ITGA9: variants seen among roughly 807,000 people sequenced by gnomAD.
The protein encoded by ITGA9 is integrin subunit alpha 9.
A neutral mutation model predicts 127.8 loss-of-function variants in ITGA9; 56 were observed. The ratio of observed to expected loss-of-function variants is 0.44; its 90% CI spans 0.35 to 0.55. The LOEUF (loss-of-function observed/expected upper bound fraction) is 0.55, where lower values mean the gene tolerates loss of function less well. Ranked by LOEUF, ITGA9 falls within the 20% of genes least tolerant of loss-of-function variation. The pLI is 0.00. For synonymous variants in ITGA9, 508 were observed against 514.5 expected, an observed-to-expected ratio of 0.99 and a Z score of 0.17; for missense variants, 1,196 against 1,347.1, an observed-to-expected ratio of 0.89 and a Z score of 1.76.
At chr3:37,731,119 A>G (rs948191908) in intron 18 of ITGA9, among the ~76,000 whole-genome samples, 1 of 152,222 alleles carries the variant, frequency 6.6e-6, no homozygotes, top group Admixed American at 6.5e-5. Context: ...CAATAATTTT[A>G]TGTATTAAAA....
intron 4 of ITGA9, among the ~76,000 whole-genome samples, chr3:37,482,452 C>T (rs902097243): frequency 1.5e-4 from 23 of 152,322 alleles, no homozygotes; most frequent in Admixed American, 1.2e-3. Flanking sequence ...AGTTTGATAG[C>T]TCGTAGTTTC....
intron 11 of ITGA9, among the ~76,000 whole-genome samples, chr3:37,521,785 G>A (rs1026791554): frequency 1.3e-5 from 2 of 152,210 alleles, no homozygotes; most frequent in African/African-American, 2.4e-5. Context: ...GCTTCAAAAC[G>A]TGGCTTTTAA....
At chr3:37,634,237 C>T (rs1700255960) in intron 16 of ITGA9, among the ~76,000 whole-genome samples, 1 of 151,518 alleles carries the variant, frequency 6.6e-6, no homozygotes, top group African/African-American at 2.4e-5. Flanking sequence ...GTAGTAAGTC[C>T]TTACTTATCA....
chr3:37,773,100 A>G (rs1335903849), intron 23 of ITGA9, among the ~76,000 whole-genome samples: 2 of 152,082 alleles, frequency 1.3e-5, no homozygotes, highest in African/African-American at 4.8e-5. Flanking sequence ...AGCTCTTCAC[A>G]CCTGAAGCAC....
Position 37,452,317 on chromosome 3 carries a change from GC to G in ITGA9, c.-55del. 1 of 967,492 alleles carries G rather than the reference GC, an allele frequency of 1.0e-6. No individual in the cohort carries two copies. The highest frequency in any genetic ancestry group is 1.0e-4 in the East Asian group (1 of 9,680). 59.9% of individuals were successfully genotyped at this position (967,492 alleles called of 1,614,324 possible). ...TTCCTGGCCGTCGGCGGGCCCCGCG[GC>G]CCGCGCGCTCGGCGCCCTGCTCGCC... On this transcript the variant is annotated 5_prime_UTR_variant, in exon 1 of 28. Transcript: ENST00000264741. This position sits in a 1 kb window ranked among gnomAD's most constrained non-coding sequence, Gnocchi z 7.3.
intron 15 of ITGA9, among the ~76,000 whole-genome samples, chr3:37,569,278 A>G (rs1307539559): frequency 6.6e-6 from 1 of 152,204 alleles, no homozygotes; most frequent in Non-Finnish European, 1.5e-5. Flanking sequence ...TCATGAAGAC[A>G]GCACAGGAAA....
chr3:37,778,189 A>C (rs1696930585), intron 24 of ITGA9, among the ~76,000 whole-genome samples: 1 of 152,234 alleles, frequency 6.6e-6, no homozygotes, highest in African/African-American at 2.4e-5. Context: ...ACTAATCATG[A>C]TGATAGAGGT....
intron 15 of ITGA9, among the ~76,000 whole-genome samples, chr3:37,626,224 A>C (rs1166621206): frequency 6.6e-6 from 1 of 152,254 alleles, no homozygotes; most frequent in Non-Finnish European, 1.5e-5. Flanking sequence ...GGATGATGTC[A>C]GAACCTGATG....
intron 2 of ITGA9, among the ~76,000 whole-genome samples, chr3:37,471,489 G>A (rs976393567): frequency 4.6e-5 from 7 of 152,162 alleles, no homozygotes; most frequent in Admixed American, 1.3e-4. Flanking sequence ...AGAAGGATGC[G>A]TAGTCGTTAG....
At chr3:37,558,647 T>C (rs1312920997) in intron 15 of ITGA9, among the ~76,000 whole-genome samples, 1 of 151,928 alleles carries the variant, frequency 6.6e-6, no homozygotes, top group Non-Finnish European at 1.5e-5. Context: ...GCTCATTGTG[T>C]GCCAGACACT....
At chr3:37,746,953 C>A (rs551242365) in intron 22 of ITGA9, among the ~76,000 whole-genome samples, 5 of 152,304 alleles carry the variant, frequency 3.3e-5, no homozygotes, top group South Asian at 2.1e-4. Context: ...GTTGGCTCTG[C>A]CCTTCTGACC....
intron 17 of ITGA9, among the ~76,000 whole-genome samples, chr3:37,666,317 C>T (rs779015168): frequency 3.3e-5 from 5 of 152,194 alleles, no homozygotes; most frequent in East Asian, 1.9e-4. Flanking sequence ...GGGAAGCCTG[C>T]GGTGAGGATG....
chr3:37,649,612 A>G (rs1036362285), intron 16 of ITGA9, among the ~76,000 whole-genome samples: 3 of 152,224 alleles, frequency 2.0e-5, no homozygotes, highest in East Asian at 3.8e-4. Context: ...GCACTATAAT[A>G]ATAGGAGATT....
chr3:37,480,983 C>G (rs576528164), intron 3 of ITGA9, among the ~76,000 whole-genome samples: 4 of 152,236 alleles, frequency 2.6e-5, no homozygotes, highest in African/African-American at 9.6e-5. Context: ...GCCATTCCTA[C>G]GTCCCCCTGT....
chr3:37,739,388 A>G (rs1696404415), intron 20 of ITGA9, among the ~76,000 whole-genome samples: 1 of 152,226 alleles, frequency 6.6e-6, no homozygotes, highest in Admixed American at 6.5e-5. Flanking sequence ...CTTTTCAGGC[A>G]TTGGTGAAGA....
chr3:37,587,525 C>T (rs1699770556), intron 15 of ITGA9, among the ~76,000 whole-genome samples: 1 of 152,070 alleles, frequency 6.6e-6, no homozygotes, highest in African/African-American at 2.4e-5. Flanking sequence ...AACCAAGAAC[C>T]CACCCACCCA....
chr3:37,559,214 C>T (rs1699461611), intron 15 of ITGA9, among the ~76,000 whole-genome samples: 1 of 151,892 alleles, frequency 6.6e-6, no homozygotes, highest in Non-Finnish European at 1.5e-5. Context: ...AGATTTTTTT[C>T]CCTCTTGTAA....
chr3:37,703,893 A>G (rs1033641828), intron 18 of ITGA9, among the ~76,000 whole-genome samples: 3 of 152,200 alleles, frequency 2.0e-5, no homozygotes, highest in East Asian at 3.8e-4. Context: ...AGGTGACTCA[A>G]CTTCCTTAGT....
intron 17 of ITGA9, among the ~76,000 whole-genome samples, chr3:37,672,152 G>A (rs1264135778): frequency 1.3e-5 from 2 of 152,178 alleles, no homozygotes; most frequent in African/African-American, 4.8e-5. Context: ...AGAAACTAGG[G>A]CAGGACTGCT....
Sources: allele counts gnomAD v4.1 joint callset (sites outside exome capture counted in the v4.1 genomes callset), GRCh38; gene constraint gnomAD v4.1.1; non-coding constraint Gnocchi (gnomAD v3.1); transcripts MANE v1.5; gene names NCBI Gene and HGNC (gene_info 2026-07-23, HGNC 2026-07-21).